ABHD17B: variants seen among roughly 807,000 people sequenced by gnomAD.
ABHD17B encodes alpha/beta hydrolase domain-containing protein 17B.
ABHD17B carries 9 observed loss-of-function variants against 26.2 expected under a neutral mutation model. The ratio of observed to expected loss-of-function variants is 0.34; its 90% CI spans 0.21 to 0.60. ABHD17B has a LOEUF of 0.60. ABHD17B is among the 20% of genes least tolerant of loss of function. The pLI, the probability that ABHD17B is intolerant of heterozygous loss-of-function variation, is 0.80. For missense variants in ABHD17B, 224 were observed against 352.1 expected (o/e 0.64, Z 2.91); for synonymous variants, 127 against 122.3 (o/e 1.04, Z -0.25).
At chr9:71,891,127 G>A (rs1826768191) in intron 1 of ABHD17B, among the ~76,000 whole-genome samples, 1 of 152,064 alleles carries the variant, frequency 6.6e-6, no homozygotes, top group Non-Finnish European at 1.5e-5. Context: ...CAGAATTATA[G>A]GTTGTTTCTT....
At chr9:71,906,087 T>C (rs1013312700) in intron 1 of ABHD17B, among the ~76,000 whole-genome samples, 9 of 151,812 alleles carry the variant, frequency 5.9e-5, no homozygotes, top group African/African-American at 2.2e-4. Context: ...AATAAACAAA[T>C]AGTGCTGCTC....
chr9:71,888,901 G>A (rs1826690635), intron 1 of ABHD17B, among the ~76,000 whole-genome samples: 1 of 151,806 alleles, frequency 6.6e-6, no homozygotes, highest in African/African-American at 2.4e-5. Context: ...AGACAAAAAC[G>A]TAAACGGTGA....
chr9:71,869,258 G>C (rs1826043674), intron 3 of ABHD17B, among the ~76,000 whole-genome samples: 1 of 152,168 alleles, frequency 6.6e-6, no homozygotes, highest in Admixed American at 6.5e-5. Flanking sequence ...CTACTAAAGT[G>C]ATCCATTACT....
intron 3 of ABHD17B, among the ~76,000 whole-genome samples, chr9:71,868,114 G>A (rs1299266779): frequency 4.0e-5 from 6 of 151,542 alleles, no homozygotes; most frequent in South Asian, 4.2e-4. Flanking sequence ...AGCTACTCGC[G>A]AGGCTGAGGC....
chr9:71,901,988 T>G lies in ABHD17B; in HGVS notation c.-4+8646A>C, dbSNP rs138183752. Among the ~76,000 whole-genome samples the G allele has an allele frequency of 3.7e-3, 564 of 152,302 alleles. 2 individuals are homozygous for G. Among genetic ancestry groups the G allele is most frequent in the African/African-American group, 0.012 (496 of 41,572 alleles). On this transcript the variant is annotated intron_variant, in intron 1 of 3. Coordinates refer to ENST00000333421, the MANE Select transcript of ABHD17B (RefSeq NM_001025780.3). ...ACCCTCCTTGGTCTCTAGCCTTATT[T>G]CTGAGCACTGTCCGATTCATTTATT...
intron 1 of ABHD17B, among the ~76,000 whole-genome samples, chr9:71,892,339 T>C (rs1826810026): frequency 6.6e-6 from 1 of 152,050 alleles, no homozygotes; most frequent in South Asian, 2.1e-4. Context: ...GAGACCATCC[T>C]GGCTAACACG....
chr9:71,886,697 T>G (rs1175212120), intron 1 of ABHD17B, among the ~76,000 whole-genome samples: 1 of 151,936 alleles, frequency 6.6e-6, no homozygotes. Flanking sequence ...TTATTCGTAC[T>G]TTTTGTAGAG....
At chr9:71,882,602 G>A (rs1826478893) in intron 1 of ABHD17B, among the ~76,000 whole-genome samples, 1 of 151,294 alleles carries the variant, frequency 6.6e-6, no homozygotes, top group Non-Finnish European at 1.5e-5. Context: ...AGGTTGCAGT[G>A]AGCTGAGATC....
downstream of ABHD17B, among the ~76,000 whole-genome samples, chr9:71,863,284 G>C (rs1198061696): frequency 1.3e-5 from 2 of 152,190 alleles, no homozygotes; most frequent in African/African-American, 4.8e-5. Context: ...CATTACGTGT[G>C]AGTAGGGCTG....
intron 3 of ABHD17B, among the ~76,000 whole-genome samples, chr9:71,868,226 AAAAGAAAGAAAG>A (rs539115154): frequency 1.3e-5 from 2 of 151,934 alleles, no homozygotes; most frequent in Non-Finnish European, 2.9e-5. Context: ...CTCAGAAAAA[AAAAGAAAGAAAG>A]AAAGAAAGAA....
rs1001948716 is a variant in ABHD17B at position 71,910,664 on chromosome 9, G to T, written c.-34C>A. The T allele has an allele frequency of 6.6e-6, 1 of 152,154 alleles. No individual in the cohort carries two copies. Among genetic ancestry groups the T allele is most frequent in the South Asian group, 2.1e-4 (1 of 4,822 alleles). The allele number at this position is 152,154 out of a possible 1,614,324, so 9.4% of individuals were successfully genotyped here. On this transcript the variant is annotated 5_prime_UTR_variant, in exon 1 of 4. Transcript: ENST00000333421. Reference sequence around the variant, plus strand: ...CCTGAGCGGCCCGGGCCGAAGCGCCGGGCAGAAGGGGTCGAGAGAGAACCG... The same window carrying T: ...CCTGAGCGGCCCGGGCCGAAGCGCCTGGCAGAAGGGGTCGAGAGAGAACCG...
chr9:71,910,483 G>A (rs927511642), intron 1 of ABHD17B, among the ~76,000 whole-genome samples, 151 bp downstream of exon 1: 3 of 152,184 alleles, frequency 2.0e-5, no homozygotes, highest in African/African-American at 4.8e-5. Context: ...CCCCTGTGCC[G>A]AGAAGGGATC....
chr9:71,885,432 C>T (rs1294745528), intron 1 of ABHD17B, among the ~76,000 whole-genome samples: 4 of 147,860 alleles, frequency 2.7e-5, no homozygotes, highest in Non-Finnish European at 5.9e-5. Context: ...TGCACTCCAG[C>T]CTGGGTGACA....
In ABHD17B at chr9:71,874,936, G is replaced by T. The variant is rs1266185575; in HGVS notation, c.145C>A (p.His49Asn). Reference protein sequence around the residue: ...CDESGSRWTLHLSERADWQYS... With the variant: ...CDESGSRWTLNLSERADWQYS... The stretch of plus-strand genomic sequence containing the variant: ...TGCCAGTCTGCTCGTTCAGACAGAT[G>T]TAAAGTCCAACGGCTTCCGCTTTCA... The change falls in exon 2 of 4, where the codon CAT becomes AAT. Residue 49 changes from histidine (H) to asparagine (N), a missense_variant. By Grantham distance (68) the His-to-Asn change is moderately conservative. Transcript: ENST00000333421. The T allele has an allele frequency of 1.2e-6, 2 of 1,614,218 alleles. No homozygotes were observed. The highest frequency in any genetic ancestry group is 1.7e-6 in the Non-Finnish European group (2 of 1,180,034).
Position 71,865,437 on chromosome 9 carries a change from G to A in ABHD17B, c.*1350C>T, listed in dbSNP as rs1249382694. The stretch of plus-strand genomic sequence containing the variant: ...AGGAAAGGCAACTTAGTTTTTGTAT[G>A]TGTGAGCTTTATTTTTTTACTATAT... On this transcript the variant is annotated 3_prime_UTR_variant, in exon 4 of 4. Coordinates refer to ENST00000333421, the MANE Select transcript of ABHD17B (RefSeq NM_001025780.3). The A allele has an allele frequency of 3.0e-6, 3 of 984,154 alleles. No individual in the cohort carries two copies. The African/African-American group carries it at 5.2e-5, about 17-fold the overall frequency. The allele number at this position is 984,154 out of a possible 1,614,324, so 61.0% of individuals were successfully genotyped here. A position where few individuals can be genotyped will look rare whatever the true frequency, so the allele number is the denominator to read the frequency against.
At chr9:71,890,251 C>T (rs1479132678) in intron 1 of ABHD17B, among the ~76,000 whole-genome samples, 1 of 152,092 alleles carries the variant, frequency 6.6e-6, no homozygotes, top group Admixed American at 6.5e-5. Flanking sequence ...GTTTGTGCCA[C>T]AGCATTCCAG....
At chr9:71,885,716 T>C (rs1180067628) in intron 1 of ABHD17B, among the ~76,000 whole-genome samples, 1 of 152,110 alleles carries the variant, frequency 6.6e-6, no homozygotes, top group Non-Finnish European at 1.5e-5. Context: ...AGTCCCTAAA[T>C]AGAATGACCT....
In ABHD17B at chr9:71,866,111, C is replaced by G. The variant is rs1825950309; in HGVS notation, c.*676G>C. The stretch of plus-strand genomic sequence containing the variant: ...ACAGTACCAAACTTAGAAGTCAAAA[C>G]TAGTTAAAATTCAGTGCTATCATGA... On this transcript the variant is annotated 3_prime_UTR_variant, in exon 4 of 4. Transcript: ENST00000333421. 1.0e-6 allele frequency: 1 copy of G among 985,414 alleles called. No homozygotes were observed. Among genetic ancestry groups the G allele is most frequent in the Non-Finnish European group, 1.2e-6 (1 of 829,668 alleles). 61.0% of individuals were successfully genotyped at this position (985,414 alleles called of 1,614,324 possible).
chr9:71,879,505 A>T (rs1373119137), intron 1 of ABHD17B, among the ~76,000 whole-genome samples: 4 of 152,238 alleles, frequency 2.6e-5, no homozygotes, highest in South Asian at 4.1e-4. Flanking sequence ...TCATCAGAAA[A>T]ATGATAGTGC....
Sources: gnomAD v4.1 joint callset for allele counts (sites outside exome capture counted in the v4.1 genomes callset) on GRCh38, gnomAD v4.1.1 for gene constraint, MANE v1.5 for transcripts, NCBI Gene and HGNC (gene_info 2026-07-23, HGNC 2026-07-21) for gene names.